NRG1: variants seen among roughly 807,000 people sequenced by gnomAD.
The protein encoded by NRG1 is pro-neuregulin-1, membrane-bound isoform.
A neutral mutation model predicts 63.8 loss-of-function variants in NRG1; 18 were observed. That is an observed-to-expected ratio of 0.28 (90% CI 0.19 to 0.42). NRG1 has a LOEUF of 0.42. Among genes scored for constraint, NRG1 ranks in the 10% least tolerant of loss-of-function variants. The pLI is 1.00. For synonymous variants in NRG1, 302 were observed against 301.3 expected (o/e 1.00, Z -0.02); for missense variants, 762 against 814.7 (o/e 0.94, Z 0.79).
intron 1 of NRG1, among the ~76,000 whole-genome samples, chr8:31,775,466 T>C (rs1819028455): frequency 1.3e-5 from 2 of 152,160 alleles, no homozygotes; most frequent in African/African-American, 2.4e-5. Flanking sequence ...GGTTTGAGGT[T>C]TGAAAAATTA....
intron 1 of NRG1, among the ~76,000 whole-genome samples, chr8:32,191,250 A>G (rs903001498): frequency 6.6e-6 from 1 of 151,954 alleles, no homozygotes. Flanking sequence ...ATGCCTGGCT[A>G]GTTTTTGTAT....
At chr8:32,419,804 G>C (rs778445927) in intron 1 of NRG1, among the ~76,000 whole-genome samples, 1 of 152,108 alleles carries the variant, frequency 6.6e-6, no homozygotes, top group Admixed American at 6.6e-5. Context: ...AGAATACCTC[G>C]TCATAACACA....
intron 1 of NRG1, among the ~76,000 whole-genome samples, chr8:31,808,851 G>T (rs892537561): frequency 6.6e-6 from 1 of 151,902 alleles, no homozygotes; most frequent in African/African-American, 2.4e-5. Flanking sequence ...TGAACATAAG[G>T]TGTCTATTTT....
chr8:31,685,978 G>C (rs947867692), intron 1 of NRG1, among the ~76,000 whole-genome samples: 2 of 152,108 alleles, frequency 1.3e-5, no homozygotes, highest in African/African-American at 4.8e-5. Context: ...GTTTTTGTGT[G>C]AACATATGTT....
At chr8:32,530,771 T>C (rs925568729) in intron 1 of NRG1, among the ~76,000 whole-genome samples, 2 of 152,132 alleles carry the variant, frequency 1.3e-5, no homozygotes, top group African/African-American at 4.8e-5. Context: ...TTAATAATAA[T>C]TGGGTATTCG....
intron 9 of NRG1, among the ~76,000 whole-genome samples, chr8:32,757,311 A>G (rs1292293988): frequency 6.6e-6 from 1 of 152,094 alleles, no homozygotes; most frequent in Admixed American, 6.5e-5. Context: ...CTTTTGGAGT[A>G]TTGCTCTTTA....
chr8:31,941,940 A>C (rs1801818767), intron 1 of NRG1, among the ~76,000 whole-genome samples: 1 of 152,210 alleles, frequency 6.6e-6, no homozygotes, highest in Non-Finnish European at 1.5e-5. Flanking sequence ...GGGTGAATTA[A>C]TATTGTGAAA....
At chr8:32,258,112 T>C (rs554583950) in intron 1 of NRG1, among the ~76,000 whole-genome samples, 1 of 152,260 alleles carries the variant, frequency 6.6e-6, no homozygotes, top group East Asian at 1.9e-4. Flanking sequence ...GAGGAACTCT[T>C]TTTTAAGACA....
intron 5 of NRG1, among the ~76,000 whole-genome samples, chr8:32,645,933 C>G (rs1853430086): frequency 6.6e-6 from 1 of 152,114 alleles, no homozygotes; most frequent in South Asian, 2.1e-4. Flanking sequence ...AGGTAAAGCT[C>G]CTGAAACCTA....
At chr8:32,127,320 C>A (rs1196819148) in intron 1 of NRG1, among the ~76,000 whole-genome samples, 1 of 151,848 alleles carries the variant, frequency 6.6e-6, no homozygotes, top group Non-Finnish European at 1.5e-5. Flanking sequence ...GCCCTCTATA[C>A]CTTCCTATAC....
intron 1 of NRG1, among the ~76,000 whole-genome samples, chr8:32,077,441 C>A (rs1826760196): frequency 6.6e-6 from 1 of 152,070 alleles, no homozygotes; most frequent in African/African-American, 2.4e-5. Flanking sequence ...TGAAGCTAGA[C>A]CATAAGTATT....
intron 1 of NRG1, among the ~76,000 whole-genome samples, chr8:31,723,361 G>A (rs1207102441): frequency 2.0e-5 from 3 of 152,156 alleles, no homozygotes; most frequent in Non-Finnish European, 4.4e-5. Context: ...GTACCAAGAG[G>A]AATTTTGTCA....
At chr8:32,662,763 T>G (rs1025111663) in intron 5 of NRG1, among the ~76,000 whole-genome samples, 2 of 152,202 alleles carry the variant, frequency 1.3e-5, no homozygotes, top group African/African-American at 4.8e-5. Flanking sequence ...AAGGCTGATT[T>G]CAGTCTAAGT....
chr8:31,654,893 A>T (rs1805275401), intron 1 of NRG1, among the ~76,000 whole-genome samples: 1 of 152,228 alleles, frequency 6.6e-6, no homozygotes, highest in South Asian at 2.1e-4. Flanking sequence ...GAGAGCTATG[A>T]TTGCATCACT....
chr8:32,261,694 C>T (rs1008066323), intron 1 of NRG1, among the ~76,000 whole-genome samples: 1 of 151,982 alleles, frequency 6.6e-6, no homozygotes, highest in Non-Finnish European at 1.5e-5. Flanking sequence ...TTGTATTGGA[C>T]GGTAAAGGCC....
At chr8:32,243,644 G>A (rs186132520) in intron 1 of NRG1, among the ~76,000 whole-genome samples, 1 of 152,074 alleles carries the variant, frequency 6.6e-6, no homozygotes. Context: ...GTATGAACCA[G>A]ACTTCATACG....
chr8:31,869,013 G>A (rs1267664084), intron 1 of NRG1, among the ~76,000 whole-genome samples: 2 of 152,182 alleles, frequency 1.3e-5, no homozygotes, highest in Non-Finnish European at 2.9e-5. Context: ...GCTTTTTAAT[G>A]TTATGTGGTA....
At chr8:32,732,799 CTTTTTTTTT>C (rs1173388613) in intron 6 of NRG1, among the ~76,000 whole-genome samples, 2 of 83,344 alleles carry the variant, frequency 2.4e-5, no homozygotes, top group African/African-American at 9.1e-5. Flanking sequence ...TGTTTAATTT[CTTTTTTTTT>C]TTTTTTTTTT....
intron 1 of NRG1, among the ~76,000 whole-genome samples, chr8:32,466,240 T>C (rs985960869): frequency 2.0e-5 from 3 of 152,142 alleles, no homozygotes; most frequent in African/African-American, 7.2e-5. Context: ...GGCAGGAGGA[T>C]TGCTTGAGCC....
Sources: gnomAD v4.1 joint callset for allele counts (sites outside exome capture counted in the v4.1 genomes callset) on GRCh38, gnomAD v4.1.1 for gene constraint, MANE v1.5 for transcripts, NCBI Gene and HGNC (gene_info 2026-07-23, HGNC 2026-07-21) for gene names.